Variants in SNX29 observed in about 807,000 individuals in gnomAD.
SNX29 encodes sorting nexin 29.
Under a neutral mutation model 102.1 loss-of-function variants are expected in SNX29, and 78 were observed. The observed-to-expected ratio is 0.76, with a 90% CI of 0.64 to 0.92. The LOEUF (loss-of-function observed/expected upper bound fraction) is 0.92. Among genes scored for constraint, SNX29 ranks in the 40% least tolerant of loss-of-function variants. The pLI is 0.00. For synonymous variants in SNX29, 580 were observed against 414.5 expected (o/e 1.40, Z -4.85); for missense variants, 1,280 against 1,061.7 (o/e 1.21, Z -2.86).
chr16:12,099,407 G>A (rs981982335), intron 11 of SNX29, among the ~76,000 whole-genome samples: 2 of 152,046 alleles, frequency 1.3e-5, no homozygotes, highest in Admixed American at 1.3e-4. Context: ...TCGTAGGGGA[G>A]TTGGGTATGT....
chr16:12,375,164 C>A (rs761792458), intron 16 of SNX29: 2 of 152,154 alleles, frequency 1.3e-5, no homozygotes, highest in Non-Finnish European at 2.9e-5. Flanking sequence ...TTGGGGAACA[C>A]TCCTCTAGAT....
At chr16:12,558,416 A>T (rs2078508009) in intron 20 of SNX29, among the ~76,000 whole-genome samples, 1 of 152,236 alleles carries the variant, frequency 6.6e-6, no homozygotes, top group African/African-American at 2.4e-5. Flanking sequence ...TGAAGTGGTG[A>T]AAGCTGACAT....
chr16:12,203,220 C>T (rs1596496071), intron 14 of SNX29, among the ~76,000 whole-genome samples: 1 of 150,068 alleles, frequency 6.7e-6, no homozygotes, highest in Non-Finnish European at 1.5e-5. Context: ...ATAGCGTGGC[C>T]CCACTCTCGG....
chr16:12,380,387 C>T (rs2083036631), intron 16 of SNX29, among the ~76,000 whole-genome samples: 1 of 86,614 alleles, frequency 1.2e-5, no homozygotes, highest in Non-Finnish European at 2.4e-5. Context: ...CACCCACCCA[C>T]CCACCCCTCA....
intron 18 of SNX29, among the ~76,000 whole-genome samples, chr16:12,469,278 G>A (rs939670113): frequency 4.6e-5 from 7 of 152,294 alleles, no homozygotes; most frequent in Admixed American, 2.0e-4. Flanking sequence ...AATAATATCC[G>A]TCTATCGGCA....
chr16:12,069,704 T>A (rs923779638), intron 10 of SNX29, among the ~76,000 whole-genome samples: 1 of 152,168 alleles, frequency 6.6e-6, no homozygotes, highest in Admixed American at 6.5e-5. Context: ...TTTCTTTTTT[T>A]CTTTTTGAGA....
At chr16:12,493,933 G>C (rs528624672) in intron 19 of SNX29, among the ~76,000 whole-genome samples, 4 of 152,152 alleles carry the variant, frequency 2.6e-5, no homozygotes, top group African/African-American at 9.7e-5. Flanking sequence ...TTACCGATAA[G>C]ACTGATGATC....
chr16:12,173,962 T>A (rs1166071815), intron 13 of SNX29, among the ~76,000 whole-genome samples: 2 of 152,184 alleles, frequency 1.3e-5, no homozygotes, highest in Admixed American at 1.3e-4. Context: ...GTATTTTTAG[T>A]AGAGATGGGG....
At chr16:12,373,883 T>C (rs1350811508) in intron 16 of SNX29, 1 of 152,248 alleles carries the variant, frequency 6.6e-6, no homozygotes, top group African/African-American at 2.4e-5. Context: ...TGCTGTCAAA[T>C]ATAAAGAGAT....
At chr16:12,563,578 T>G (rs187755829) in intron 20 of SNX29, among the ~76,000 whole-genome samples, 1 of 150,762 alleles carries the variant, frequency 6.6e-6, no homozygotes, top group East Asian at 1.9e-4. Context: ...CTTTGGGTGG[T>G]GGCTTAGGCC....
chr16:12,420,135 C>T (rs1469505728), intron 18 of SNX29, among the ~76,000 whole-genome samples: 4 of 152,236 alleles, frequency 2.6e-5, no homozygotes, highest in African/African-American at 4.8e-5. Flanking sequence ...TACCCAGCAG[C>T]AGCCACATCC....
chr16:12,466,315 A>G (rs1466598500), intron 18 of SNX29, among the ~76,000 whole-genome samples: 1 of 152,264 alleles, frequency 6.6e-6, no homozygotes, highest in East Asian at 1.9e-4. Context: ...TAAAGTTGTC[A>G]GATACAAAGT....
intron 13 of SNX29, among the ~76,000 whole-genome samples, chr16:12,170,100 G>T (rs566025183): frequency 9.9e-5 from 15 of 152,226 alleles, no homozygotes; most frequent in African/African-American, 3.6e-4. Flanking sequence ...CTAGATGCCA[G>T]GAGTGCTCCT....
chr16:12,036,297 C>A (rs1446998087), intron 4 of SNX29, among the ~76,000 whole-genome samples: 4 of 151,060 alleles, frequency 2.6e-5, no homozygotes, highest in Non-Finnish European at 5.9e-5. Flanking sequence ...CTATGTTGCC[C>A]AGGCTGGTCT....
At position 12,569,130 on chromosome 16, in the gene SNX29, G is replaced by A. The variant is rs781770278; in HGVS notation, c.*501G>A. On this transcript the variant is annotated 3_prime_UTR_variant, in exon 21 of 21. Transcript: ENST00000566228. ...AGGGATGGCTGGCTTTGCGGGGGGGGGGGGGGGGGGGGGCATGGTTCCTTT... is the reference window on the plus strand; with the variant it reads ...AGGGATGGCTGGCTTTGCGGGGGGGAGGGGGGGGGGGGGCATGGTTCCTTT... The A allele has an allele frequency of 1.2e-4, 17 of 141,946 alleles. No individual in the cohort carries two copies. The highest frequency in any genetic ancestry group is 7.7e-4 in the East Asian group (6 of 7,808). The allele number at this position is 141,946 out of a possible 1,614,324, so 8.8% of individuals were successfully genotyped here.
chr16:12,059,673 C>G (rs371467711), intron 8 of SNX29, among the ~76,000 whole-genome samples: 4 of 152,150 alleles, frequency 2.6e-5, no homozygotes, highest in African/African-American at 9.7e-5. Context: ...AAGCAGTGAA[C>G]AGTTGTTACA....
At chr16:12,373,363 C>G (rs2082758000) in intron 16 of SNX29, among the ~76,000 whole-genome samples, 2 of 152,154 alleles carry the variant, frequency 1.3e-5, no homozygotes, top group South Asian at 4.1e-4. Context: ...CTCCTGGGCT[C>G]AAGTGATCCT....
At chr16:12,495,638 A>C (rs1379796801) in intron 19 of SNX29, among the ~76,000 whole-genome samples, 1 of 152,226 alleles carries the variant, frequency 6.6e-6, no homozygotes, top group Non-Finnish European at 1.5e-5. Context: ...CCATTGAAGG[A>C]TTTTAAACAG....
intron 20 of SNX29, chr16:12,546,175 T>C (rs2077594490): frequency 2.6e-5 from 4 of 152,174 alleles, no homozygotes; most frequent in African/African-American, 7.2e-5. Flanking sequence ...GGATGGGCAC[T>C]GGTGCAGGGA....
Sources: gnomAD v4.1 joint callset for allele counts (sites outside exome capture counted in the v4.1 genomes callset) on GRCh38, gnomAD v4.1.1 for gene constraint, MANE v1.5 for transcripts, NCBI Gene and HGNC (gene_info 2026-07-23, HGNC 2026-07-21) for gene names.